DRC8: variants seen among roughly 807,000 people sequenced by gnomAD.
The protein encoded by DRC8 is dynein regulatory complex protein 8.
the DRC8 span, among the ~76,000 whole-genome samples, chr1:244,999,058 CAAA>C: frequency 0.43 from 35,985 of 83,718 alleles, 5,208 homozygotes; most frequent in East Asian, 0.63. Context: ...GATCCTGGGT[CAAA>C]AAAAAAAAAA....
chr1:244,970,389 C>T, the DRC8 span: 1 of 1,536,810 alleles, frequency 6.5e-7, no homozygotes, highest in Admixed American at 2.0e-5. Context: ...TATCGTTAGG[C>T]ATCTCCCAGG....
chr1:244,989,267 T>C, the DRC8 span, among the ~76,000 whole-genome samples: 1 of 152,290 alleles, frequency 6.6e-6, no homozygotes, highest in East Asian at 1.9e-4. Flanking sequence ...GTCCATACTT[T>C]ACTCAGATTT....
At chr1:245,115,132 C>A in the DRC8 span, among the ~76,000 whole-genome samples, 1 of 152,142 alleles carries the variant, frequency 6.6e-6, no homozygotes, top group East Asian at 1.9e-4. Context: ...CTCATGCAGC[C>A]TCGACCTCCC....
chr1:245,038,842 G>A, the DRC8 span, among the ~76,000 whole-genome samples: 2 of 151,508 alleles, frequency 1.3e-5, no homozygotes, highest in Non-Finnish European at 2.9e-5. Context: ...GCCAGAAGTA[G>A]AAAGATTTTA....
the DRC8 span, among the ~76,000 whole-genome samples, chr1:245,004,081 T>G: frequency 6.6e-6 from 1 of 152,078 alleles, no homozygotes; most frequent in Non-Finnish European, 1.5e-5. Flanking sequence ...GGATTGATTT[T>G]TTTGTTTGTT....
At chr1:245,106,703 A>AT in the DRC8 span, among the ~76,000 whole-genome samples, 4 of 152,214 alleles carry the variant, frequency 2.6e-5, no homozygotes, top group East Asian at 3.8e-4. Context: ...AATAACCAGG[A>AT]TTAACCAGAT....
At chr1:245,053,372 C>A in the DRC8 span, among the ~76,000 whole-genome samples, 1 of 152,142 alleles carries the variant, frequency 6.6e-6, no homozygotes, top group Non-Finnish European at 1.5e-5. Context: ...CATGAGCTGT[C>A]TAGGCCTGAG....
chr1:244,970,187 T>G, the DRC8 span: 401,807 of 713,536 alleles, frequency 0.56, 117,998 homozygotes, highest in East Asian at 0.71. Flanking sequence ...GGGGGCCGGG[T>G]GGCAGACGGG....
the DRC8 span, among the ~76,000 whole-genome samples, chr1:245,109,714 T>C: frequency 6.6e-6 from 1 of 152,210 alleles, no homozygotes; most frequent in Non-Finnish European, 1.5e-5. Flanking sequence ...AAATCACAGC[T>C]CGGAGAGGTT....
chr1:245,044,760 A>G, the DRC8 span, among the ~76,000 whole-genome samples: 6 of 151,712 alleles, frequency 4.0e-5, no homozygotes, highest in Non-Finnish European at 7.4e-5. Flanking sequence ...GTGTATTTTT[A>G]GTAGAGATGG....
At chr1:245,062,427 C>CT in the DRC8 span, among the ~76,000 whole-genome samples, 1 of 152,172 alleles carries the variant, frequency 6.6e-6, no homozygotes, top group African/African-American at 2.4e-5. Context: ...GACATATAGG[C>CT]TACCAAATAA....
the DRC8 span, among the ~76,000 whole-genome samples, chr1:244,984,014 G>C: frequency 1.3e-5 from 2 of 151,914 alleles, no homozygotes; most frequent in East Asian, 3.9e-4. Context: ...GAGTGCAGTG[G>C]CCCAATCTTA....
chr1:245,070,430 T>C, the DRC8 span, among the ~76,000 whole-genome samples: 1 of 152,248 alleles, frequency 6.6e-6, no homozygotes, highest in Non-Finnish European at 1.5e-5. Context: ...TATAGGCCCT[T>C]TTCAGATGCC....
chr1:245,050,423 C>T, the DRC8 span, among the ~76,000 whole-genome samples: 1 of 152,090 alleles, frequency 6.6e-6, no homozygotes, highest in South Asian at 2.1e-4. Context: ...TCTACTCATC[C>T]TTCTTGTCAG....
chr1:245,057,184 T>G, the DRC8 span, among the ~76,000 whole-genome samples: 4 of 152,158 alleles, frequency 2.6e-5, no homozygotes, highest in Non-Finnish European at 5.9e-5. Context: ...ATGTCTGTTG[T>G]AACATCCGGT....
At chr1:245,012,033 G>A in the DRC8 span, among the ~76,000 whole-genome samples, 2 of 152,172 alleles carry the variant, frequency 1.3e-5, no homozygotes, top group African/African-American at 4.8e-5. Flanking sequence ...CTTGAGGAAT[G>A]AGTGTTAAAC....
the DRC8 span, among the ~76,000 whole-genome samples, chr1:245,119,344 G>GTT: frequency 0.63 from 93,773 of 147,696 alleles, 30,786 homozygotes; most frequent in East Asian, 0.85. Context: ...AAATTGGAGA[G>GTT]TTTTTTTTTT....
chr1:245,067,881 C>T, the DRC8 span, among the ~76,000 whole-genome samples: 6 of 152,150 alleles, frequency 3.9e-5, no homozygotes, highest in African/African-American at 7.2e-5. Flanking sequence ...GTTATTGTTC[C>T]TACACATCCT....
the DRC8 span, chr1:245,121,784 G>T: frequency 2.8e-6 from 1 of 361,558 alleles, no homozygotes; most frequent in Non-Finnish European, 5.2e-6. Context: ...CAACCCCTCC[G>T]TCTGGCTCCT....
Sources: gnomAD v4.1 joint callset for allele counts (sites outside exome capture counted in the v4.1 genomes callset) on GRCh38, gnomAD v4.1.1 for gene constraint, MANE v1.5 for transcripts, NCBI Gene and HGNC (gene_info 2026-07-23, HGNC 2026-07-21) for gene names.